Variants in PTPRD observed in about 807,000 individuals in gnomAD.
PTPRD encodes the protein receptor-type tyrosine-protein phosphatase delta.
A neutral mutation model predicts 214.5 loss-of-function variants in PTPRD; 34 were observed. The observed-to-expected ratio is 0.16, with a 90% CI of 0.12 to 0.21. The LOEUF (loss-of-function observed/expected upper bound fraction) is 0.21, where lower values mean the gene tolerates loss of function less well. Ranked by LOEUF, PTPRD falls within the 10% of genes least tolerant of loss-of-function variation. The probability of loss-of-function intolerance (pLI) is 1.00; values close to 1 mark genes in which losing one functional copy is unlikely to be tolerated. For synonymous variants in PTPRD, 1,128 were observed against 845.7 expected (o/e 1.33, Z -5.79); for missense variants, 2,545 against 2,398.7 (o/e 1.06, Z -1.27).
Position 9,935,754 on chromosome 9 carries a change from A to G in PTPRD, c.-368+2753T>C, listed in dbSNP as rs1481882735. On this transcript the variant is annotated intron_variant, in intron 5 of 45. Transcript: ENST00000381196. ...TAAAGTTCATATGGAACCAAAAAAA[A>G]AGCCCGCATTGCCAAGTCAATCCTA... Among the ~76,000 whole-genome samples, 9 of 149,120 alleles carry G rather than the reference A, an allele frequency of 6.0e-5. No homozygotes were observed. The South Asian group carries it at 1.7e-3, about 27-fold the overall frequency.
chr9:8,678,379 A>G lies in PTPRD; in HGVS notation c.65-41535T>C, dbSNP rs192025457. 7.2e-5 allele frequency among the ~76,000 whole-genome samples: 11 copies of G among 152,292 alleles called. 1 individual carries two copies. The East Asian group carries it at 2.1e-3, about 29-fold the overall frequency. ...ACATCACACTTATGTTCCTTCTGTT[A>G]CATGGTTTGCTCTTTTAATAGAAGT... is the stretch of plus-strand genomic sequence containing the variant. On this transcript the variant is annotated intron_variant, in intron 12 of 45. Coordinates refer to ENST00000381196, the MANE Select transcript of PTPRD (RefSeq NM_002839.4).
chr9:10,022,655 T>C (rs754946341), intron 4 of PTPRD, among the ~76,000 whole-genome samples: 3 of 152,188 alleles, frequency 2.0e-5, no homozygotes, highest in African/African-American at 4.8e-5. Flanking sequence ...TTCTAAACTA[T>C]AGGAAAAAAA....
At chr9:9,347,563 T>C (rs1025066149) in intron 9 of PTPRD, among the ~76,000 whole-genome samples, 2 of 152,130 alleles carry the variant, frequency 1.3e-5, no homozygotes, top group Non-Finnish European at 2.9e-5. Context: ...ATTTTCATTA[T>C]TCTTTAGCTA....
chr9:9,959,273 A>G (rs1014136698), intron 4 of PTPRD, among the ~76,000 whole-genome samples: 2 of 152,206 alleles, frequency 1.3e-5, no homozygotes, highest in African/African-American at 4.8e-5. Flanking sequence ...ACAATTATAT[A>G]TTATTCTAGA....
chr9:9,698,505 A>G (rs1417424130), intron 7 of PTPRD, among the ~76,000 whole-genome samples: 1 of 152,186 alleles, frequency 6.6e-6, no homozygotes, highest in African/African-American at 2.4e-5. Context: ...CCCATGGGAC[A>G]TGCCAACAAC....
intron 11 of PTPRD, among the ~76,000 whole-genome samples, chr9:8,925,328 G>C (rs2098868152): frequency 2.0e-5 from 3 of 151,980 alleles, no homozygotes; most frequent in Admixed American, 2.0e-4. Context: ...TCCGAGGCAG[G>C]GGATGCAGGG....
At chr9:8,978,849 C>A (rs147897884) in intron 11 of PTPRD, among the ~76,000 whole-genome samples, 1 of 152,166 alleles carries the variant, frequency 6.6e-6, no homozygotes. Context: ...CTATATCTTA[C>A]CTGCTTCACT....
chr9:8,786,812 C>T (rs915402354), intron 11 of PTPRD, among the ~76,000 whole-genome samples: 1 of 151,756 alleles, frequency 6.6e-6, no homozygotes, highest in Admixed American at 6.6e-5. Context: ...ATTCCCAGAG[C>T]GTGAATCTAT....
At chr9:9,230,597 C>T (rs771929894) in intron 9 of PTPRD, among the ~76,000 whole-genome samples, 1 of 152,080 alleles carries the variant, frequency 6.6e-6, no homozygotes, top group Non-Finnish European at 1.5e-5. Context: ...GGTACACTCT[C>T]AAACTAACTA....
chr9:10,343,978 GTTTTTTTTTT>G (rs139613939), intron 2 of PTPRD, among the ~76,000 whole-genome samples: 1 of 31,670 alleles, frequency 3.2e-5, no homozygotes, highest in Non-Finnish European at 5.9e-5. Context: ...TCTGATGGTA[GTTTTTTTTTT>G]TTTTTTTTTT....
chr9:10,091,153 G>T (rs2098425462), intron 3 of PTPRD, among the ~76,000 whole-genome samples: 1 of 151,360 alleles, frequency 6.6e-6, no homozygotes, highest in Admixed American at 6.6e-5. Flanking sequence ...AAATATGTAA[G>T]ATTTGAACTG....
chr9:8,321,389 A>G (rs75569699), intron 44 of PTPRD, among the ~76,000 whole-genome samples: 18 of 149,984 alleles, frequency 1.2e-4, no homozygotes, highest in Non-Finnish European at 2.4e-4. Flanking sequence ...ATCTTACTTT[A>G]ATAAGTTATA....
chr9:9,651,826 G>GTTTTTT lies in PTPRD; in HGVS notation c.-286-77051_-286-77046dup, dbSNP rs869105633. On this transcript the variant is annotated intron_variant, in intron 7 of 45. Coordinates refer to ENST00000381196, the MANE Select transcript of PTPRD (RefSeq NM_002839.4). ...CTGCCTTTGTATTTATTCAAGGTTT[G>GTTTTTT]TTTTTTTTTTTTTTTTTTTTTTTTT... Among the ~76,000 whole-genome samples the GTTTTTT allele has an allele frequency of 1.5e-3, 81 of 55,074 alleles. 5 individuals carry two copies. The highest frequency in any genetic ancestry group is 2.2e-3 in the Non-Finnish European group (62 of 28,768). 36.1% of individuals were successfully genotyped at this position (55,074 alleles called of 152,430 possible).
intron 3 of PTPRD, among the ~76,000 whole-genome samples, chr9:10,229,177 G>C (rs2099599509): frequency 6.6e-6 from 1 of 152,002 alleles, no homozygotes; most frequent in Non-Finnish European, 1.5e-5. Context: ...AATTAGAATG[G>C]CGATCATTAA....
chr9:8,609,245 C>G (rs904663767), intron 14 of PTPRD, among the ~76,000 whole-genome samples: 25 of 152,130 alleles, frequency 1.6e-4, no homozygotes, highest in African/African-American at 5.6e-4. Flanking sequence ...TTGGCTGCAT[C>G]CCAGGACTTG....
chr9:8,957,064 C>T (rs1478963682), intron 11 of PTPRD, among the ~76,000 whole-genome samples: 1 of 151,840 alleles, frequency 6.6e-6, no homozygotes, highest in Admixed American at 6.6e-5. Flanking sequence ...TCTTCCTTTA[C>T]CACTGAATAG....
chr9:9,079,177 C>G (rs1004647952), intron 10 of PTPRD, among the ~76,000 whole-genome samples: 7 of 152,022 alleles, frequency 4.6e-5, no homozygotes, highest in African/African-American at 1.7e-4. Context: ...AATTTTGTAT[C>G]CTTTAACAAA....
intron 2 of PTPRD, among the ~76,000 whole-genome samples, chr9:10,389,938 G>C (rs1007143683): frequency 6.6e-6 from 1 of 151,786 alleles, no homozygotes; most frequent in Non-Finnish European, 1.5e-5. Context: ...GTGATCTAAT[G>C]ATTCCATTAT....
intron 9 of PTPRD, among the ~76,000 whole-genome samples, chr9:9,299,614 G>A (rs1954480148): frequency 6.6e-6 from 1 of 151,652 alleles, no homozygotes; most frequent in Non-Finnish European, 1.5e-5. Flanking sequence ...GGTCATATGT[G>A]CAAGGTCATC....
Sources: gnomAD v4.1 joint callset for allele counts (sites outside exome capture counted in the v4.1 genomes callset) on GRCh38, gnomAD v4.1.1 for gene constraint, MANE v1.5 for transcripts, NCBI Gene and HGNC (gene_info 2026-07-23, HGNC 2026-07-21) for gene names.